DDX10: variants seen among roughly 807,000 people sequenced by gnomAD.
The protein encoded by DDX10 is probable ATP-dependent RNA helicase DDX10.
In DDX10, 74 loss-of-function variants were observed where a neutral mutation model predicts 104.3. The observed-to-expected ratio is 0.71, with a 90% CI of 0.59 to 0.86. The LOEUF is 0.86. Ranked by LOEUF, DDX10 falls within the 40% of genes least tolerant of loss-of-function variation. The pLI, the probability that DDX10 is intolerant of heterozygous loss-of-function variation, is 0.00. For synonymous variants in DDX10, 351 were observed against 353.4 expected (o/e 0.99, Z 0.08); for missense variants, 952 against 1,040.0 (o/e 0.92, Z 1.16).
At position 108,777,999 on chromosome 11, in the gene DDX10, A is replaced by G. The variant is rs538465306; in HGVS notation, c.1965+54537A>G. Among the ~76,000 whole-genome samples the G allele has an allele frequency of 2.0e-5, 3 of 152,332 alleles. No homozygotes were observed. The South Asian group carries it at 6.2e-4, about 32-fold the overall frequency. On this transcript the variant is annotated intron_variant, in intron 13 of 17. Transcript: ENST00000322536. ...ATCCAACTTACAAGGGATGCGAAGG[A>G]CCTCTTCAAGGAGAACTACAAACCA...
At chr11:108,869,995 G>T (rs1312222521) in intron 16 of DDX10, among the ~76,000 whole-genome samples, 1 of 151,986 alleles carries the variant, frequency 6.6e-6, no homozygotes, top group Non-Finnish European at 1.5e-5. Context: ...ATAACATCTG[G>T]AGTTTAGTTA....
At chr11:108,896,713 T>A (rs1268219013) in intron 16 of DDX10, among the ~76,000 whole-genome samples, 2 of 152,190 alleles carry the variant, frequency 1.3e-5, no homozygotes, top group Non-Finnish European at 2.9e-5. Context: ...TCTGTCCTCA[T>A]ATCTTAGTTG....
intron 13 of DDX10, among the ~76,000 whole-genome samples, chr11:108,780,554 TC>T (rs1210596560): frequency 6.6e-6 from 1 of 152,182 alleles, no homozygotes; most frequent in Non-Finnish European, 1.5e-5. Flanking sequence ...ATACTGGAGA[TC>T]CTTATCCAGT....
intron 17 of DDX10, 91 bp from the exon 18 acceptor site, chr11:108,940,155 C>T: frequency 2.3e-6 from 3 of 1,320,994 alleles, no homozygotes; most frequent in Non-Finnish European, 3.1e-6. Context: ...TGAATAATAT[C>T]ACTTTACCAA....
intron 16 of DDX10, among the ~76,000 whole-genome samples, chr11:108,909,539 C>T (rs1304435199): frequency 1.3e-5 from 2 of 152,030 alleles, no homozygotes; most frequent in Admixed American, 6.6e-5. Flanking sequence ...GAGTTTAGGC[C>T]TCCATAATAA....
intron 17 of DDX10, among the ~76,000 whole-genome samples, chr11:108,922,854 C>T (rs1311622581): frequency 2.0e-5 from 3 of 152,156 alleles, no homozygotes; most frequent in Non-Finnish European, 4.4e-5. Context: ...TTTATTTATC[C>T]TCAAAAACAG....
rs148230098 is a variant in DDX10, at chr11:108,779,403, C to T, written c.1965+55941C>T. On this transcript the variant is annotated intron_variant, in intron 13 of 17. Transcript: ENST00000322536. Reference sequence around the variant, plus strand: ...TCCTTTGCAGGGACATGGATGAAGCCGGAAACCATAATTCTGAGCAGATAT... The same window carrying T: ...TCCTTTGCAGGGACATGGATGAAGCTGGAAACCATAATTCTGAGCAGATAT... Among the ~76,000 whole-genome samples the T allele has an allele frequency of 5.7e-3, 867 of 152,136 alleles. 27 individuals are homozygous for T. The South Asian group carries it at 0.095, about 17-fold the overall frequency.
At chr11:108,908,684 G>A (rs909437197) in intron 16 of DDX10, among the ~76,000 whole-genome samples, 9 of 152,096 alleles carry the variant, frequency 5.9e-5, no homozygotes, top group Admixed American at 5.2e-4. Flanking sequence ...CATTAAATAT[G>A]TTTTTACTCT....
chr11:108,687,663 G>T (rs1277825049), intron 6 of DDX10, among the ~76,000 whole-genome samples: 2 of 152,218 alleles, frequency 1.3e-5, no homozygotes, highest in South Asian at 4.1e-4. Context: ...AGAGTTGTTT[G>T]TATATTTTGG....
At chr11:108,856,941 C>T (rs1355892629) in intron 16 of DDX10, among the ~76,000 whole-genome samples, 1 of 129,374 alleles carries the variant, frequency 7.7e-6, no homozygotes, top group Non-Finnish European at 1.6e-5. Context: ...ACTTTATTTT[C>T]CTCTTTACAT....
chr11:108,885,239 T>C (rs1293209335), intron 16 of DDX10, among the ~76,000 whole-genome samples: 1 of 152,186 alleles, frequency 6.6e-6, no homozygotes, highest in Non-Finnish European at 1.5e-5. Flanking sequence ...AACTCATATC[T>C]AATCTTGTCA....
chr11:108,679,407 T>C lies in DDX10; in HGVS notation c.695T>C (p.Phe232Ser). The change falls in exon 6 of 18, where the codon TTT becomes TCT. Residue 232 changes from phenylalanine to serine, a missense_variant. Transcript: ENST00000322536. ...GCAGATAGAATCTTGGATATGGGCT[T>C]TGCTGATACCATGAATGCTGTTATT... ...DEADRILDMG[F>S]ADTMNAVIEN... is the part of the protein sequence containing the mutation. 6.2e-7 allele frequency: 1 copy of C among 1,607,892 alleles called. No individual in the cohort carries two copies. Among genetic ancestry groups the C allele is most frequent in the Non-Finnish European group, 8.5e-7 (1 of 1,178,828 alleles).
At chr11:108,683,674 C>T (rs2094238650) in intron 6 of DDX10, among the ~76,000 whole-genome samples, 1 of 152,216 alleles carries the variant, frequency 6.6e-6, no homozygotes, top group Admixed American at 6.5e-5. Flanking sequence ...TCCATTATTT[C>T]ATCAGGGTTT....
At chr11:108,843,391 CTTT>C (rs71050891) in intron 15 of DDX10, among the ~76,000 whole-genome samples, 5 of 137,744 alleles carry the variant, frequency 3.6e-5, no homozygotes, top group South Asian at 2.3e-4. Context: ...CTTGCACATC[CTTT>C]TTTTTTTTTT....
intron 6 of DDX10, among the ~76,000 whole-genome samples, chr11:108,685,793 T>C (rs1023661397): frequency 6.6e-6 from 1 of 152,232 alleles, no homozygotes; most frequent in Non-Finnish European, 1.5e-5. Context: ...TAAAGACTTC[T>C]GTTTCATCTG....
In DDX10 at chr11:108,812,909, T is replaced by C. The variant is rs578081181; in HGVS notation, c.1966-25537T>C. Among the ~76,000 whole-genome samples the C allele has an allele frequency of 7.7e-5, 11 of 142,662 alleles. No individual in the cohort carries two copies. In the South Asian group the frequency reaches 2.4e-3, roughly 31 times the overall value. The allele number at this position is 142,662 out of a possible 152,430, so 93.6% of individuals were successfully genotyped here. The stretch of plus-strand genomic sequence containing the variant: ...AGGCAGGAGAGTCTCTTGAACCCAG[T>C]AGGTGGAGGTTGCAGTGAGCAGAGA... On this transcript the variant is annotated intron_variant, in intron 13 of 17. Coordinates refer to ENST00000322536, the MANE Select transcript of DDX10 (RefSeq NM_004398.4).
intron 16 of DDX10, among the ~76,000 whole-genome samples, chr11:108,874,741 C>A (rs1344463636): frequency 6.6e-6 from 1 of 152,084 alleles, no homozygotes; most frequent in Non-Finnish European, 1.5e-5. Context: ...CCTTTCTAAC[C>A]TCCTAACAAA....
chr11:108,684,713 C>T (rs1394269432), intron 6 of DDX10, among the ~76,000 whole-genome samples: 1 of 142,642 alleles, frequency 7.0e-6, no homozygotes, highest in Non-Finnish European at 1.5e-5. Flanking sequence ...TGGGTATATA[C>T]CCAGTAATGG....
At chr11:108,762,961 T>G (rs1026780615) in intron 13 of DDX10, among the ~76,000 whole-genome samples, 2 of 152,182 alleles carry the variant, frequency 1.3e-5, no homozygotes, top group African/African-American at 4.8e-5. Context: ...AGTCAGAGTG[T>G]CTTTGAATTT....
Sources: allele counts gnomAD v4.1 joint callset (sites outside exome capture counted in the v4.1 genomes callset), GRCh38; gene constraint gnomAD v4.1.1; transcripts MANE v1.5; gene names NCBI Gene and HGNC (gene_info 2026-07-23, HGNC 2026-07-21).